The following CLIC5 variants were observed in gnomAD, a reference collection of about 807,000 sequenced individuals.
CLIC5 encodes the protein chloride intracellular channel protein 5.
In CLIC5, 20 loss-of-function variants were observed where a neutral mutation model predicts 24.7. The ratio of observed to expected loss-of-function variants is 0.81; its 90% CI spans 0.57 to 1.18. CLIC5 has a LOEUF of 1.18. CLIC5 is among the 50% of genes most tolerant of loss of function. The probability of loss-of-function intolerance (pLI) is 0.00; values close to 1 mark genes in which losing one functional copy is unlikely to be tolerated. For missense variants in CLIC5, 341 were observed against 326.1 expected (o/e 1.05, Z -0.35); for synonymous variants, 159 against 135.6 (o/e 1.17, Z -1.20).
At chr6:46,079,805 A>G in exon 1 of CLIC5, 1 of 1,552,176 alleles carries the variant, frequency 6.4e-7, no homozygotes, top group Middle Eastern at 1.7e-4. Flanking sequence ...AGAAGGCCTT[A>G]CTGTGCTGAA....
At chr6:45,980,060 T>A (rs1416499336) in intron 1 of CLIC5, among the ~76,000 whole-genome samples, 4 of 150,510 alleles carry the variant, frequency 2.7e-5, no homozygotes, top group Non-Finnish European at 4.4e-5. Flanking sequence ...TTAATCCATC[T>A]TGAGTTAATT....
At chr6:46,041,494 T>A (rs1337106079) in intron 1 of CLIC5, among the ~76,000 whole-genome samples, 1 of 152,212 alleles carries the variant, frequency 6.6e-6, no homozygotes. Context: ...ACAGCCTACC[T>A]TTTATTGCTC....
intron 1 of CLIC5, among the ~76,000 whole-genome samples, chr6:45,990,549 G>A (rs932703470): frequency 1.3e-5 from 2 of 152,132 alleles, no homozygotes; most frequent in African/African-American, 4.8e-5. Context: ...CTGCCTGCAG[G>A]TGAGTTACCT....
At chr6:46,059,924 T>C (rs1762199127) in intron 1 of CLIC5, among the ~76,000 whole-genome samples, 1 of 152,238 alleles carries the variant, frequency 6.6e-6, no homozygotes, top group South Asian at 2.1e-4. Context: ...CAATGTTTTC[T>C]TGTAGTAGTT....
chr6:45,907,069 A>C (rs1205920123), intron 5 of CLIC5, among the ~76,000 whole-genome samples: 2 of 152,064 alleles, frequency 1.3e-5, no homozygotes, highest in Admixed American at 6.6e-5. Context: ...ATTGAATAGG[A>C]GTGGTGAGAG....
chr6:45,890,939 A>C (rs1459347290), intron 6 of CLIC5, among the ~76,000 whole-genome samples: 1 of 152,126 alleles, frequency 6.6e-6, no homozygotes, highest in Non-Finnish European at 1.5e-5. Context: ...TGGACAGGGA[A>C]GGGGGAGACA....
intron 1 of CLIC5, among the ~76,000 whole-genome samples, chr6:46,027,852 A>G (rs1179213195): frequency 6.6e-6 from 1 of 152,180 alleles, no homozygotes; most frequent in Admixed American, 6.5e-5. Context: ...AAAGGCTGAT[A>G]TTTTAGCTAA....
chr6:45,912,365 C>A, intron 5 of CLIC5: 1 of 1,058,778 alleles, frequency 9.4e-7, no homozygotes, highest in Non-Finnish European at 1.1e-6. Context: ...AAGGACAGGG[C>A]TTCACTGAGT....
intron 1 of CLIC5, among the ~76,000 whole-genome samples, chr6:46,051,761 C>G (rs1271134257): frequency 6.6e-6 from 1 of 152,114 alleles, no homozygotes; most frequent in Non-Finnish European, 1.5e-5. Flanking sequence ...TTTTGATGCT[C>G]AAAACTACCT....
chr6:46,018,679 G>T (rs1251156442), upstream of CLIC5: 1 of 152,164 alleles, frequency 6.6e-6, no homozygotes, highest in African/African-American at 2.4e-5. Context: ...CCAGCCCATA[G>T]TTTCACAAAT....
chr6:46,026,006 A>G (rs1767321877), intron 1 of CLIC5, among the ~76,000 whole-genome samples: 2 of 152,122 alleles, frequency 1.3e-5, no homozygotes, highest in Admixed American at 1.3e-4. Context: ...TTCTTTATAA[A>G]TTACCCAGTC....
intron 1 of CLIC5, among the ~76,000 whole-genome samples, chr6:45,961,677 A>AT (rs1312447657): frequency 2.6e-5 from 4 of 152,138 alleles, no homozygotes; most frequent in Non-Finnish European, 5.9e-5. Flanking sequence ...CAAACAGTCT[A>AT]TCCTTCCAAT....
the CLIC5 span, among the ~76,000 whole-genome samples, chr6:46,121,326 A>C: frequency 6.6e-6 from 1 of 152,342 alleles, no homozygotes; most frequent in Admixed American, 6.5e-5. Context: ...ATATCCAGCC[A>C]AACTAAGCTT....
the CLIC5 span, among the ~76,000 whole-genome samples, chr6:46,105,057 T>A: frequency 6.6e-6 from 1 of 152,116 alleles, no homozygotes; most frequent in Admixed American, 6.5e-5. Flanking sequence ...TGGGCAGCTT[T>A]TGAGTGGGGC....
intron 6 of CLIC5, among the ~76,000 whole-genome samples, chr6:45,882,098 G>C (rs1427525873): frequency 6.6e-6 from 1 of 152,188 alleles, no homozygotes; most frequent in Non-Finnish European, 1.5e-5. Flanking sequence ...AGCCTCACAG[G>C]ATCAAAATGC....
intron 4 of CLIC5, among the ~76,000 whole-genome samples, chr6:45,933,068 C>A (rs999053187): frequency 6.6e-6 from 1 of 152,176 alleles, no homozygotes; most frequent in Non-Finnish European, 1.5e-5. Context: ...CAGGGACAAT[C>A]AATTTTTCCA....
intron 4 of CLIC5, among the ~76,000 whole-genome samples, chr6:45,929,960 C>G (rs1763663605): frequency 6.6e-6 from 1 of 152,178 alleles, no homozygotes; most frequent in Admixed American, 6.5e-5. Context: ...ATGGCCAGGC[C>G]CTCCAGACAG....
At chr6:45,983,272 T>C (rs531586926) in intron 1 of CLIC5, among the ~76,000 whole-genome samples, 6 of 152,226 alleles carry the variant, frequency 3.9e-5, no homozygotes, top group African/African-American at 1.4e-4. Context: ...GTATTCTTAC[T>C]AGGAAGCCAT....
intron 4 of CLIC5, chr6:45,920,140 G>A: frequency 2.1e-6 from 2 of 972,288 alleles, no homozygotes; most frequent in Non-Finnish European, 2.4e-6. Flanking sequence ...CAACTAATTT[G>A]GTAACATATT....
Sources: gnomAD v4.1 joint callset for allele counts (sites outside exome capture counted in the v4.1 genomes callset) on GRCh38, gnomAD v4.1.1 for gene constraint, MANE v1.5 for transcripts, NCBI Gene and HGNC (gene_info 2026-07-23, HGNC 2026-07-21) for gene names.